ZC3H11A: variants seen among roughly 807,000 people sequenced by gnomAD.
ZC3H11A encodes zinc finger CCCH domain-containing protein 11A.
In ZC3H11A, 22 loss-of-function variants were observed where a neutral mutation model predicts 90.8. The observed-to-expected ratio is 0.24, with a 90% CI of 0.17 to 0.35. ZC3H11A has a LOEUF of 0.35. Among genes scored for constraint, ZC3H11A ranks in the 10% least tolerant of loss-of-function variants. ZC3H11A has a pLI of 1.00. For synonymous variants in ZC3H11A, 294 were observed against 339.8 expected (o/e 0.87, Z 1.48); for missense variants, 701 against 964.9 (o/e 0.73, Z 3.62).
chr1:203,799,962 A>G (rs1203404246), intron 1 of ZC3H11A: 2 of 1,536,000 alleles, frequency 1.3e-6, no homozygotes, highest in African/African-American at 2.7e-5. Flanking sequence ...CCAAATTCCA[A>G]CTTCAGAAGC....
At chr1:203,804,964 T>A (rs1671779113) in intron 2 of ZC3H11A, among the ~76,000 whole-genome samples, 1 of 151,936 alleles carries the variant, frequency 6.6e-6, no homozygotes, top group Admixed American at 6.6e-5. Context: ...TGAGCTATTG[T>A]GCCCGGCCTG....
chr1:203,822,428 A>T (rs1679086440), intron 4 of ZC3H11A, among the ~76,000 whole-genome samples: 1 of 151,010 alleles, frequency 6.6e-6, no homozygotes, highest in African/African-American at 2.4e-5. Context: ...CCTACTTTTG[A>T]CCCCCAACAC....
chr1:203,841,157 AT>A (rs76329142), intron 12 of ZC3H11A, among the ~76,000 whole-genome samples: 20 of 110,340 alleles, frequency 1.8e-4, no homozygotes, highest in Admixed American at 2.5e-4. Flanking sequence ...TTTTTTTTTT[AT>A]TTTTTTTTTT....
rs188229021 is a variant in ZC3H11A at position 203,844,539 on chromosome 1, C to G, written c.1043-2645C>G. On this transcript the variant is annotated intron_variant, in intron 12 of 17. Transcript: ENST00000367210. ...TTTGTGTATTATTTTGGCTTCTTAA[C>G]CACTTCTTTTTATTTATTTTGGTTT... Among the ~76,000 whole-genome samples, 285 of 152,256 alleles carry G rather than the reference C, an allele frequency of 1.9e-3. 2 individuals are homozygous for G. The highest frequency in any genetic ancestry group is 6.5e-3 in the African/African-American group (270 of 41,542).
At chr1:203,810,423 G>GTTT (rs765335556) in intron 2 of ZC3H11A, among the ~76,000 whole-genome samples, 11,131 of 138,650 alleles carry the variant, frequency 0.08, 1,296 homozygotes, top group East Asian at 0.43. Context: ...TAGCTGTTAG[G>GTTT]TTTTTTTTTT....
At chr1:203,830,644 C>G (rs1464231010) in intron 8 of ZC3H11A, among the ~76,000 whole-genome samples, 1 of 152,028 alleles carries the variant, frequency 6.6e-6, no homozygotes, top group Non-Finnish European at 1.5e-5. Context: ...AACCCCGTCT[C>G]TACTAAAACA....
chr1:203,829,750 T>C, intron 6 of ZC3H11A, 30 bp from the exon 7 acceptor site: 1 of 1,612,866 alleles, frequency 6.2e-7, no homozygotes, highest in South Asian at 1.1e-5. Flanking sequence ...TATTTTTAAT[T>C]GTGAATTTGC....
chr1:203,801,817 ATT>A lies in ZC3H11A; in HGVS notation c.-1332_-1331del, dbSNP rs34997581. 45,920 of 148,896 alleles carry A rather than the reference ATT, an allele frequency of 0.31. 7,646 individuals are homozygous for A. Among genetic ancestry groups the A allele is most frequent in the East Asian group, 0.48 (2,467 of 5,122 alleles). 9.2% of individuals were successfully genotyped at this position (148,896 alleles called of 1,614,324 possible). ...CAAAATCGGGTTTTTTTTGGTTTTG[ATT>A]TTTTTTTTTTTTAAATTCTTAAATG... On this transcript the variant is annotated 5_prime_UTR_variant, in exon 2 of 18. The change abolishes the stop of an existing upstream ORF in the 5' untranslated region. Transcript: ENST00000367210.
chr1:203,821,442 A>T (rs759639592), intron 4 of ZC3H11A, among the ~76,000 whole-genome samples: 2 of 151,926 alleles, frequency 1.3e-5, no homozygotes, highest in Non-Finnish European at 2.9e-5. Flanking sequence ...TTATGCTCCG[A>T]TTGACCCAGA....
chr1:203,835,858 G>A (rs936686048), intron 10 of ZC3H11A: 11 of 240,200 alleles, frequency 4.6e-5, no homozygotes, highest in Admixed American at 2.2e-4. Context: ...CTTTTTTTCC[G>A]GAGACCCCAC....
intron 1 of ZC3H11A, 25 bp from the exon 2 acceptor site, chr1:203,801,550 C>T (rs1453127730): frequency 6.6e-6 from 1 of 152,424 alleles, no homozygotes; most frequent in Non-Finnish European, 1.5e-5. Context: ...TGTGAGATCC[C>T]AATTTTTCCT....
rs12071237 is a variant in ZC3H11A at position 203,827,365 on chromosome 1, T to C, written c.175-934T>C. On this transcript the variant is annotated intron_variant, in intron 4 of 17. Transcript: ENST00000367210. ...CACAGGTATTCTTTTTTTTTTTTTT[T>C]CTCCCAATTTTCCTTTATAAAAGTA... Among the ~76,000 whole-genome samples, 935 of 150,520 alleles carry C rather than the reference T, an allele frequency of 6.2e-3. 13 individuals are homozygous for C. The highest frequency in any genetic ancestry group is 0.045 in the East Asian group (222 of 4,962).
At chr1:203,836,957 A>T (rs1684540313) in intron 10 of ZC3H11A, among the ~76,000 whole-genome samples, 1 of 152,100 alleles carries the variant, frequency 6.6e-6, no homozygotes, top group African/African-American at 2.4e-5. Flanking sequence ...ATAATTCTTA[A>T]CCTGTCTTCC....
Position 203,816,956 on chromosome 1 carries a change from A to G in ZC3H11A, c.-115A>G. The G allele has an allele frequency of 1.6e-6, 1 of 611,378 alleles. No homozygotes were observed. Among genetic ancestry groups the G allele is most frequent in the East Asian group, 2.9e-5 (1 of 33,958 alleles). 37.9% of individuals were successfully genotyped at this position (611,378 alleles called of 1,614,324 possible). A position where few individuals can be genotyped will look rare whatever the true frequency, so the allele number is the denominator to read the frequency against. On this transcript the variant is annotated 5_prime_UTR_variant, in exon 3 of 18. Coordinates refer to ENST00000367210, the MANE Select transcript of ZC3H11A (RefSeq NM_001376342.1). The stretch of plus-strand genomic sequence containing the variant: ...CAGTTTAAAGACAATTTCTGTGATC[A>G]AGTTGTCATTTGGAAGATTAAACCC...
In ZC3H11A at chr1:203,853,787, A is replaced by C. The variant is rs936143988; in HGVS notation, c.*1388A>C. The C allele has an allele frequency of 6.6e-6, 1 of 152,664 alleles. No individual in the cohort carries two copies. Among genetic ancestry groups the C allele is most frequent in the Admixed American group, 6.5e-5 (1 of 15,280 alleles). 9.5% of individuals were successfully genotyped at this position (152,664 alleles called of 1,614,324 possible). A position where few individuals can be genotyped will look rare whatever the true frequency, so the allele number is the denominator to read the frequency against. On this transcript the variant is annotated 3_prime_UTR_variant, in exon 18 of 18. Coordinates refer to ENST00000367210, the MANE Select transcript of ZC3H11A (RefSeq NM_001376342.1). ...CTTGGGAAGATTGGGATGATTCTGC[A>C]CAAGCAAAAATGACTGAAGTTTATG...
In ZC3H11A at chr1:203,853,205, T is replaced by G. The variant is rs1219592932; in HGVS notation, c.*806T>G. On this transcript the variant is annotated 3_prime_UTR_variant, in exon 18 of 18. Coordinates refer to ENST00000367210, the MANE Select transcript of ZC3H11A (RefSeq NM_001376342.1). The stretch of plus-strand genomic sequence containing the variant: ...TCTTCTTCAGTACTTGCCTCCTTGC[T>G]GGCATTGAATTAACACAGGGACAAA... 1 of 152,530 alleles carries G rather than the reference T, an allele frequency of 6.6e-6. No homozygotes were observed. Among genetic ancestry groups the G allele is most frequent in the African/African-American group, 2.4e-5 (1 of 41,398 alleles). 9.4% of individuals were successfully genotyped at this position (152,530 alleles called of 1,614,324 possible).
chr1:203,805,881 T>A, intron 2 of ZC3H11A: 1 of 774,282 alleles, frequency 1.3e-6, no homozygotes. Flanking sequence ...GCTGGTCTTG[T>A]AAATTCTCAA....
chr1:203,818,943 C>T (rs1475876056), intron 4 of ZC3H11A, among the ~76,000 whole-genome samples: 1 of 151,558 alleles, frequency 6.6e-6, no homozygotes, highest in Non-Finnish European at 1.5e-5. Flanking sequence ...GTGGCATGTG[C>T]CTGTAATTCC....
At chr1:203,823,756 T>A (rs931998147) in intron 4 of ZC3H11A, among the ~76,000 whole-genome samples, 1 of 152,186 alleles carries the variant, frequency 6.6e-6, no homozygotes, top group Non-Finnish European at 1.5e-5. Context: ...CAAAATAAGA[T>A]GTGTGCAGAA....
Sources: gnomAD v4.1 joint callset for allele counts (sites outside exome capture counted in the v4.1 genomes callset) on GRCh38, gnomAD v4.1.1 for gene constraint, MANE v1.5 for transcripts, NCBI Gene and HGNC (gene_info 2026-07-23, HGNC 2026-07-21) for gene names.